The following ERCC6L2 variants were observed in gnomAD, a reference collection of about 807,000 sequenced individuals.
ERCC6L2 encodes the protein ERCC excision repair 6 like 2.
Under a neutral mutation model 132.0 loss-of-function variants are expected in ERCC6L2, and 77 were observed. That is an observed-to-expected ratio of 0.58 (90% CI 0.49 to 0.71). ERCC6L2 has a LOEUF of 0.71. ERCC6L2 is among the 30% of genes least tolerant of loss of function. The pLI is 0.00. For synonymous variants in ERCC6L2, 583 were observed against 632.4 expected (o/e 0.92, Z 1.17); for missense variants, 1,542 against 1,837.6 (o/e 0.84, Z 2.94).
intron 13 of ERCC6L2, among the ~76,000 whole-genome samples, chr9:95,963,853 A>G (rs1380602215): frequency 6.6e-6 from 1 of 152,130 alleles, no homozygotes; most frequent in Non-Finnish European, 1.5e-5. Flanking sequence ...AATACCACAG[A>G]CATGATACTG....
At chr9:95,949,481 C>A (rs1241733237) in intron 12 of ERCC6L2, among the ~76,000 whole-genome samples, 1 of 151,944 alleles carries the variant, frequency 6.6e-6, no homozygotes, top group Non-Finnish European at 1.5e-5. Flanking sequence ...AAGGAATTTC[C>A]ATTAAGATTA....
chr9:96,028,409 A>G (rs1834410880), intron 19 of ERCC6L2, among the ~76,000 whole-genome samples: 1 of 152,148 alleles, frequency 6.6e-6, no homozygotes, highest in African/African-American at 2.4e-5. Flanking sequence ...TGAGAAGTGT[A>G]ACCTTTTTAA....
At chr9:95,941,775 A>C (rs1830815748) in intron 12 of ERCC6L2, among the ~76,000 whole-genome samples, 1 of 152,168 alleles carries the variant, frequency 6.6e-6, no homozygotes, top group South Asian at 2.1e-4. Flanking sequence ...ATGACTTAAG[A>C]AGAAAGAATA....
chr9:95,992,378 C>CT (rs1833333213), intron 17 of ERCC6L2, among the ~76,000 whole-genome samples: 1 of 152,124 alleles, frequency 6.6e-6, no homozygotes, highest in African/African-American at 2.4e-5. Context: ...GAACTGCTGT[C>CT]TTAGACCCAT....
In ERCC6L2 at chr9:96,003,587, T is replaced by A. The variant is rs192821783; in HGVS notation, c.3493-933T>A. On this transcript the variant is annotated intron_variant, in intron 17 of 18. Coordinates refer to ENST00000653738, the MANE Select transcript of ERCC6L2 (RefSeq NM_020207.7). Reference sequence around the variant, plus strand: ...TTCTTTGTTGTTTAATGCAGGGAGTTAAACCATTTCCATCTCCCATTTCCA... The same window carrying A: ...TTCTTTGTTGTTTAATGCAGGGAGTAAAACCATTTCCATCTCCCATTTCCA... Among the ~76,000 whole-genome samples, 11 of 152,286 alleles carry A rather than the reference T, an allele frequency of 7.2e-5. No homozygotes were observed. The East Asian group carries it at 1.9e-3, about 27-fold the overall frequency.
chr9:95,946,610 A>T (rs916578508), intron 12 of ERCC6L2, among the ~76,000 whole-genome samples: 3 of 152,208 alleles, frequency 2.0e-5, no homozygotes, highest in African/African-American at 7.2e-5. Context: ...TATCTACCAT[A>T]ATTTAATAAT....
downstream of ERCC6L2, chr9:96,020,389 C>A: frequency 4.1e-6 from 1 of 242,296 alleles, no homozygotes; most frequent in East Asian, 1.2e-4. Flanking sequence ...GAAATACACA[C>A]CCGGGATGCT....
At chr9:96,026,408 T>C (rs1834363848) in intron 19 of ERCC6L2, among the ~76,000 whole-genome samples, 1 of 152,032 alleles carries the variant, frequency 6.6e-6, no homozygotes, top group Non-Finnish European at 1.5e-5. Flanking sequence ...CGGAACTCAG[T>C]GAGCCCCGGA....
intron 4 of ERCC6L2, among the ~76,000 whole-genome samples, chr9:95,909,548 T>C (rs1237750218): frequency 1.3e-5 from 2 of 152,232 alleles, no homozygotes; most frequent in Non-Finnish European, 2.9e-5. Context: ...TCAATGGTAT[T>C]ATACAGGAAG....
intron 13 of ERCC6L2, among the ~76,000 whole-genome samples, chr9:95,959,713 A>G (rs976185790): frequency 1.3e-5 from 2 of 152,194 alleles, no homozygotes; most frequent in East Asian, 1.9e-4. Flanking sequence ...AAAAGTGGGC[A>G]AAGGACATGA....
At position 96,017,247 on chromosome 9, in the gene ERCC6L2, G is replaced by A. The variant is rs1255804177; in HGVS notation, c.*4044G>A. Among the ~76,000 whole-genome samples the A allele has an allele frequency of 6.6e-6, 1 of 152,134 alleles. No individual in the cohort carries two copies. The highest frequency in any genetic ancestry group is 1.5e-5 in the Non-Finnish European group (1 of 68,008). ...CTGTACACTGTGGCATGTACGGCTG[G>A]CTCCACTTGGTATTTGTTGCAGGAG... On this transcript the variant is annotated 3_prime_UTR_variant, in exon 19 of 19. Coordinates refer to ENST00000653738, the MANE Select transcript of ERCC6L2 (RefSeq NM_020207.7).
rs1451175403 is a variant in ERCC6L2 at position 95,875,739 on chromosome 9, C to G, written c.-300C>G. 6.4e-6 allele frequency: 3 copies of G among 465,548 alleles called. No individual in the cohort carries two copies. The highest frequency in any genetic ancestry group is 7.3e-5 in the Admixed American group (2 of 27,306). 28.8% of individuals were successfully genotyped at this position (465,548 alleles called of 1,614,324 possible). A position where few individuals can be genotyped will look rare whatever the true frequency, so the allele number is the denominator to read the frequency against. On this transcript the variant is annotated 5_prime_UTR_variant, in exon 1 of 19. Transcript: ENST00000653738. ...CGCCTTGCCGGCCTCCTGTCCTCCTCCGGCGGCGGCGGAGCCCGAGAGAAC... is the reference window on the plus strand; with the variant it reads ...CGCCTTGCCGGCCTCCTGTCCTCCTGCGGCGGCGGCGGAGCCCGAGAGAAC...
chr9:95,991,079 C>T (rs1179980502), intron 17 of ERCC6L2, among the ~76,000 whole-genome samples: 2 of 151,904 alleles, frequency 1.3e-5, no homozygotes, highest in Non-Finnish European at 2.9e-5. Context: ...CTCTGCTTGC[C>T]GCTCAGCTGC....
chr9:95,994,562 T>G (rs1371636939), intron 17 of ERCC6L2, among the ~76,000 whole-genome samples: 1 of 152,190 alleles, frequency 6.6e-6, no homozygotes, highest in East Asian at 1.9e-4. Flanking sequence ...CACTACTTCC[T>G]CGTGGCCTCC....
chr9:95,999,507 G>C (rs1422159871), intron 17 of ERCC6L2, among the ~76,000 whole-genome samples: 2 of 152,128 alleles, frequency 1.3e-5, no homozygotes, highest in East Asian at 3.8e-4. Flanking sequence ...ACCAATTTAA[G>C]AAAAATGTAT....
chr9:95,907,839 A>C (rs1442807334), intron 4 of ERCC6L2, among the ~76,000 whole-genome samples: 1 of 128,530 alleles, frequency 7.8e-6, no homozygotes, highest in Non-Finnish European at 1.7e-5. Context: ...ACACACACAC[A>C]CACACACACA....
intron 17 of ERCC6L2, among the ~76,000 whole-genome samples, chr9:95,979,912 T>A (rs1333829516): frequency 6.6e-6 from 1 of 152,186 alleles, no homozygotes; most frequent in Non-Finnish European, 1.5e-5. Context: ...TGCCCTTTTT[T>A]AAAACCATGT....
chr9:95,885,803 G>A (rs7868270), intron 2 of ERCC6L2, among the ~76,000 whole-genome samples: 24,524 of 152,030 alleles, frequency 0.16, 2,143 homozygotes, highest in Middle Eastern at 0.25. Flanking sequence ...TCTCACTGCA[G>A]ACATACTGAA....
intron 1 of ERCC6L2, among the ~76,000 whole-genome samples, chr9:95,879,386 G>T (rs1361348049): frequency 2.0e-5 from 3 of 152,170 alleles, no homozygotes; most frequent in African/African-American, 7.2e-5. Flanking sequence ...TTGAATAATA[G>T]ATAATAAAAT....
Sources: allele counts gnomAD v4.1 joint callset (sites outside exome capture counted in the v4.1 genomes callset), GRCh38; gene constraint gnomAD v4.1.1; transcripts MANE v1.5; gene names NCBI Gene and HGNC (gene_info 2026-07-23, HGNC 2026-07-21).